Variants in IL31RA observed in about 807,000 individuals in gnomAD.
IL31RA encodes the protein interleukin 31 receptor A, also known as interleukin-31 receptor subunit alpha.
IL31RA carries 66 observed loss-of-function variants against 83.7 expected under a neutral mutation model. The observed-to-expected ratio is 0.79, with a 90% confidence interval of 0.65 to 0.97. The LOEUF (loss-of-function observed/expected upper bound fraction) is 0.97, where lower values mean the gene tolerates loss of function less well. Among genes scored for constraint, IL31RA ranks in the 50% least tolerant of loss-of-function variants. The pLI, the probability that IL31RA is intolerant of heterozygous loss-of-function variation, is 0.00. For missense variants in IL31RA, 798 were observed against 919.4 expected (o/e 0.87, Z 1.71); for synonymous variants, 325 against 329.0 (o/e 0.99, Z 0.13).
At chr5:55,841,659 CCTGATAGCTCCACTCAG>C in the IL31RA span, among the ~76,000 whole-genome samples, 3 of 152,180 alleles carry the variant, frequency 2.0e-5, no homozygotes, top group East Asian at 5.8e-4. Flanking sequence ...GAACCCATCA[CCTGATAGCTCCACTCAG>C]CTGACTTTGT....
At chr5:55,849,791 T>C (rs1745010858), upstream of IL31RA, among the ~76,000 whole-genome samples, 1 of 152,200 alleles carries the variant, frequency 6.6e-6, no homozygotes, top group Non-Finnish European at 1.5e-5. Context: ...TGGAATTCTC[T>C]CTCTTCTATT....
chr5:55,841,453 G>A, the IL31RA span, among the ~76,000 whole-genome samples: 3 of 152,196 alleles, frequency 2.0e-5, no homozygotes, highest in African/African-American at 7.2e-5. Flanking sequence ...GCAGTTTATT[G>A]CATTGATATA....
intron 1 of IL31RA, among the ~76,000 whole-genome samples, chr5:55,852,758 C>G (rs189766828): frequency 1.3e-5 from 2 of 152,228 alleles, no homozygotes; most frequent in East Asian, 1.9e-4. Context: ...CTAATTTGAA[C>G]CTTTGATTGC....
chr5:55,895,085 T>TA (rs1005441002), intron 6 of IL31RA, among the ~76,000 whole-genome samples: 11 of 152,246 alleles, frequency 7.2e-5, no homozygotes, highest in African/African-American at 2.7e-4. Context: ...CTCTTACTTC[T>TA]AAAAAATAGT....
rs762281132 is a variant in IL31RA, at chr5:55,918,109, G to C, written c.*989G>C. On this transcript the variant is annotated 3_prime_UTR_variant, in exon 15 of 15. Coordinates refer to ENST00000652347, the MANE Select transcript of IL31RA (RefSeq NM_139017.7). ...TGTGACAGTTAGTGGAGCCTTTCAC[G>C]AAAGTGTGGATTGCTGGCTTCAGCA... 6.6e-6 allele frequency among the ~76,000 whole-genome samples: 1 copy of C among 152,208 alleles called. No individual in the cohort carries two copies. The highest frequency in any genetic ancestry group is 2.4e-5 in the African/African-American group (1 of 41,460).
intron 5 of IL31RA, among the ~76,000 whole-genome samples, chr5:55,885,845 C>G (rs931595843): frequency 3.3e-5 from 5 of 152,066 alleles, no homozygotes; most frequent in African/African-American, 1.2e-4. Context: ...CAGAGCAGTC[C>G]CCGGTATAGC....
At chr5:55,892,925 A>C (rs1283983542) in intron 6 of IL31RA, among the ~76,000 whole-genome samples, 1 of 152,248 alleles carries the variant, frequency 6.6e-6, no homozygotes, top group Non-Finnish European at 1.5e-5. Context: ...GGATCCCAGA[A>C]GAAACTGATT....
In IL31RA at chr5:55,913,481, C is replaced by T; in HGVS notation, c.1647C>T (p.Val549=). 1 of 1,607,660 alleles carries T rather than the reference C, an allele frequency of 6.2e-7. No homozygotes were observed. The highest frequency in any genetic ancestry group is 8.5e-7 in the Non-Finnish European group (1 of 1,174,164). ...TTTGTTCTTTGTTTTTCAAAGGTGTCTTTGAGATTATCCTCATAACTTCTC... is the reference window on the plus strand; with the variant it reads ...TTTGTTCTTTGTTTTTCAAAGGTGTTTTTGAGATTATCCTCATAACTTCTC... ...SINFKTLSFS[V]FEIILITSLI... is the part of the protein sequence containing the mutation. The change falls in exon 13 of 15, where the codon GTC becomes GTT. Residue 549 remains valine, a synonymous_variant. Coordinates refer to ENST00000652347, the MANE Select transcript of IL31RA (RefSeq NM_139017.7).
At chr5:55,853,259 G>T in intron 1 of IL31RA, 1 of 1,136,496 alleles carries the variant, frequency 8.8e-7, no homozygotes, top group South Asian at 3.9e-5. Context: ...GTTGTTTCTG[G>T]TCTTTCAGAT....
At chr5:55,898,334 C>G (rs903159186) in intron 7 of IL31RA, among the ~76,000 whole-genome samples, 1 of 143,576 alleles carries the variant, frequency 7.0e-6, no homozygotes, top group Non-Finnish European at 1.5e-5. Flanking sequence ...CCCGCCCCCC[C>G]GCACCTTCAA....
At chr5:55,868,291 G>A (rs759666014) in intron 2 of IL31RA, among the ~76,000 whole-genome samples, 1 of 152,132 alleles carries the variant, frequency 6.6e-6, no homozygotes, top group Non-Finnish European at 1.5e-5. Context: ...GAGCTCTCAG[G>A]AGCAAGATTT....
chr5:55,853,197 C>A, intron 1 of IL31RA: 1 of 442,918 alleles, frequency 2.3e-6, no homozygotes, highest in Non-Finnish European at 3.1e-6. Flanking sequence ...GCTATTACCA[C>A]ATTTGTAAGG....
At chr5:55,885,239 T>C (rs1457326873) in intron 5 of IL31RA, among the ~76,000 whole-genome samples, 1 of 152,198 alleles carries the variant, frequency 6.6e-6, no homozygotes, top group Non-Finnish European at 1.5e-5. Flanking sequence ...ATGCTCTCCT[T>C]GTCTGGAACT....
upstream of IL31RA, among the ~76,000 whole-genome samples, chr5:55,850,692 A>T (rs1245924139): frequency 6.6e-6 from 1 of 152,082 alleles, no homozygotes; most frequent in Non-Finnish European, 1.5e-5. Context: ...TCTTTTTCAG[A>T]TTTTCAACCA....
In IL31RA at chr5:55,917,866, A is replaced by G. The variant is rs1354462486; in HGVS notation, c.*746A>G. Among the ~76,000 whole-genome samples, 2 of 151,734 alleles carry G rather than the reference A, an allele frequency of 1.3e-5. No individual in the cohort carries two copies. The highest frequency in any genetic ancestry group is 4.8e-5 in the African/African-American group (2 of 41,376). ...ACTTCCCAGCTGCTGCTGCCCTTCT[A>G]TTCAGCACCCAGCCTGGGAGCAGAA... On this transcript the variant is annotated 3_prime_UTR_variant, in exon 15 of 15. Coordinates refer to ENST00000652347, the MANE Select transcript of IL31RA (RefSeq NM_139017.7).
chr5:55,895,627 G>T (rs568752818), intron 6 of IL31RA, among the ~76,000 whole-genome samples: 2 of 152,152 alleles, frequency 1.3e-5, no homozygotes, highest in African/African-American at 4.8e-5. Context: ...CTGTGCTTTT[G>T]CTCTATTGGG....
chr5:55,893,927 T>C (rs1748176390), intron 6 of IL31RA, among the ~76,000 whole-genome samples: 2 of 150,054 alleles, frequency 1.3e-5, no homozygotes, highest in Admixed American at 6.7e-5. Flanking sequence ...TCCTCCCACC[T>C]CAGCCTCCCG....
rs118134673 is a variant in IL31RA, at chr5:55,908,429, G to A, written c.1501+18G>A. ...AGGATTCTGTAAGCACGCCCATAGC[G>A]AAGTGGAAAAAAACCCCAAGCCCCA... On this transcript the variant is annotated intron_variant, in intron 11 of 14. Coordinates refer to ENST00000652347, the MANE Select transcript of IL31RA (RefSeq NM_139017.7). 40 of 1,614,178 alleles carry A rather than the reference G, an allele frequency of 2.5e-5. No individual in the cohort carries two copies. In the East Asian group the frequency reaches 4.2e-4, roughly 17 times the overall value.
Position 55,900,031 on chromosome 5 carries a change from T to G in IL31RA, c.968T>G (p.Leu323Arg). 1.2e-6 allele frequency: 2 copies of G among 1,614,124 alleles called. No homozygotes were observed. The highest frequency in any genetic ancestry group is 1.7e-6 in the Non-Finnish European group (2 of 1,179,954). ...TMNTTNQQLELHLGGESFWVS... is the reference protein window; with the variant it reads ...TMNTTNQQLERHLGGESFWVS... ...AACACTACTAACCAGCAGCTTGAAC[T>G]GCATCTGGGAGGCGAGAGCTTTTGG... is the stretch of plus-strand genomic sequence containing the variant. The change falls in exon 8 of 15, where the codon CTG (leucine) becomes CGG (arginine). Residue 323 changes from leucine (L) to arginine (R), a missense_variant. Coordinates refer to ENST00000652347, the MANE Select transcript of IL31RA (RefSeq NM_139017.7).
Sources: allele counts gnomAD v4.1 joint callset (sites outside exome capture counted in the v4.1 genomes callset), GRCh38; gene constraint gnomAD v4.1.1; transcripts MANE v1.5; gene names NCBI Gene and HGNC (gene_info 2026-07-23, HGNC 2026-07-21).